The following C1QTNF7 variants were observed in gnomAD, a reference collection of about 807,000 sequenced individuals.
C1QTNF7 encodes the protein complement C1q tumor necrosis factor-related protein 7.
A neutral mutation model predicts 19.6 loss-of-function variants in C1QTNF7; 15 were observed. That is an observed-to-expected ratio of 0.76 (90% CI 0.51 to 1.18). C1QTNF7 has a LOEUF of 1.18. Among genes scored for constraint, C1QTNF7 ranks in the 50% most tolerant of loss-of-function variants. The pLI is 0.00. For missense variants in C1QTNF7, 324 were observed against 359.7 expected (o/e 0.90, Z 0.80); for synonymous variants, 142 against 137.5 (o/e 1.03, Z -0.23).
intron 1 of C1QTNF7, among the ~76,000 whole-genome samples, chr4:15,417,917 C>T (rs957632144): frequency 2.0e-5 from 3 of 152,076 alleles, no homozygotes; most frequent in African/African-American, 7.2e-5. Flanking sequence ...CTCTCAAGAA[C>T]TCAGTCACTA....
At chr4:15,343,585 C>A (rs935715768) in intron 1 of C1QTNF7, among the ~76,000 whole-genome samples, 5 of 152,066 alleles carry the variant, frequency 3.3e-5, no homozygotes, top group Admixed American at 2.6e-4. Context: ...AGGGACAGTC[C>A]AGAAGAAAAT....
intron 1 of C1QTNF7, among the ~76,000 whole-genome samples, chr4:15,353,380 A>G (rs1256812327): frequency 6.6e-6 from 1 of 152,160 alleles, no homozygotes; most frequent in Non-Finnish European, 1.5e-5. Flanking sequence ...ATACCCATAA[A>G]AGGGAGGATT....
At chr4:15,368,140 C>T (rs1490933741) in intron 1 of C1QTNF7, among the ~76,000 whole-genome samples, 5 of 152,074 alleles carry the variant, frequency 3.3e-5, no homozygotes, top group African/African-American at 7.2e-5. Context: ...ATTTTCTAGA[C>T]TTTTACAAGT....
intron 1 of C1QTNF7, among the ~76,000 whole-genome samples, chr4:15,357,709 T>C (rs1717194932): frequency 6.6e-6 from 1 of 152,226 alleles, no homozygotes; most frequent in Non-Finnish European, 1.5e-5. Context: ...ATTCTTCCTA[T>C]CCATGAGCAT....
intron 1 of C1QTNF7, among the ~76,000 whole-genome samples, chr4:15,407,336 A>G (rs1168113858): frequency 2.6e-5 from 4 of 152,192 alleles, no homozygotes; most frequent in African/African-American, 9.7e-5. Flanking sequence ...CAAAGTAGTT[A>G]TTATTCTCTC....
intron 1 of C1QTNF7, among the ~76,000 whole-genome samples, chr4:15,401,766 A>C (rs1374024377): frequency 1.3e-5 from 2 of 152,228 alleles, no homozygotes; most frequent in Non-Finnish European, 2.9e-5. Context: ...AAATCAATGA[A>C]ATAAAACAAT....
chr4:15,390,052 G>A (rs1560352223), intron 1 of C1QTNF7, among the ~76,000 whole-genome samples: 1 of 152,138 alleles, frequency 6.6e-6, no homozygotes, highest in Non-Finnish European at 1.5e-5. Flanking sequence ...TAATTTCAGG[G>A]AAGGGAGGAA....
At chr4:15,365,859 C>T (rs751931744) in intron 1 of C1QTNF7, among the ~76,000 whole-genome samples, 5 of 152,114 alleles carry the variant, frequency 3.3e-5, no homozygotes, top group Non-Finnish European at 7.4e-5. Context: ...TCACTGTTGC[C>T]AGAGGTGTCA....
chr4:15,412,740 C>A (rs1021187909), intron 1 of C1QTNF7, among the ~76,000 whole-genome samples: 1 of 152,194 alleles, frequency 6.6e-6, no homozygotes, highest in Non-Finnish European at 1.5e-5. Flanking sequence ...AAGTAAATTA[C>A]ACTAAAAGAC....
At chr4:15,387,186 C>T (rs1297841060) in intron 1 of C1QTNF7, among the ~76,000 whole-genome samples, 2 of 152,054 alleles carry the variant, frequency 1.3e-5, no homozygotes, top group African/African-American at 2.4e-5. Flanking sequence ...CCTGAGCATC[C>T]GAAAGAATTT....
intron 1 of C1QTNF7, among the ~76,000 whole-genome samples, chr4:15,367,386 C>T (rs1717564233): frequency 6.6e-6 from 1 of 152,192 alleles, no homozygotes; most frequent in Admixed American, 6.5e-5. Context: ...CTTGGGACTT[C>T]CACTACATTT....
At position 15,393,110 on chromosome 4, in the gene C1QTNF7, A is replaced by G. The variant is rs952424300; in HGVS notation, c.14-42626A>G. Among the ~76,000 whole-genome samples the G allele has an allele frequency of 1.4e-4, 22 of 152,152 alleles. No homozygotes were observed. The East Asian group carries it at 3.9e-3, about 27-fold the overall frequency. ...TATGGTAGTGAATAAATCTCATGAG[A>G]TCTGATGGTTTTATAAGGGGAAATC... On this transcript the variant is annotated intron_variant, in intron 1 of 2. Transcript: ENST00000295297.
In C1QTNF7 at chr4:15,443,836, G is replaced by T. The variant is rs185320242; in HGVS notation, c.*1037G>T. The T allele has an allele frequency of 6.6e-6, 1 of 152,284 alleles. No individual in the cohort carries two copies. Among genetic ancestry groups the T allele is most frequent in the Non-Finnish European group, 1.5e-5 (1 of 68,036 alleles). The allele number at this position is 152,284 out of a possible 1,614,324, so 9.4% of individuals were successfully genotyped here. ...AAATATGGGCACCACTTTACATTGT[G>T]GTAAGACATTGCTTCTCATGGATCT... On this transcript the variant is annotated 3_prime_UTR_variant, in exon 3 of 3. Coordinates refer to ENST00000444304, the MANE Select transcript of C1QTNF7 (RefSeq NM_031911.5).
At position 15,379,956 on chromosome 4, in the gene C1QTNF7, G is replaced by A. The variant is rs377037613; in HGVS notation, c.13+39749G>A. ...TCTTCCCCTAACCCAGGCCGATTAC[G>A]TTGGTTGAAGTGATGTCCAGATTGT... On this transcript the variant is annotated intron_variant, in intron 1 of 2. Transcript: ENST00000295297. Among the ~76,000 whole-genome samples the A allele has an allele frequency of 1.7e-3, 264 of 152,324 alleles. 1 individual carries two copies. Among genetic ancestry groups the A allele is most frequent in the African/African-American group, 6.2e-3 (259 of 41,572 alleles).
At chr4:15,362,921 T>C (rs191719811) in intron 1 of C1QTNF7, among the ~76,000 whole-genome samples, 192 of 152,296 alleles carry the variant, frequency 1.3e-3, no homozygotes, top group African/African-American at 4.3e-3. Flanking sequence ...TCATCATCAT[T>C]ATCATTATGA....
At chr4:15,423,517 G>A (rs1043041598), upstream of C1QTNF7, among the ~76,000 whole-genome samples, 1 of 152,190 alleles carries the variant, frequency 6.6e-6, no homozygotes, top group South Asian at 2.1e-4. Context: ...GTTGAAGTCC[G>A]CTTGAAAAGC....
chr4:15,353,328 C>CTAT (rs1467652779), intron 1 of C1QTNF7, among the ~76,000 whole-genome samples: 7 of 152,096 alleles, frequency 4.6e-5, no homozygotes, highest in Admixed American at 3.3e-4. Flanking sequence ...TTGGGTAAGA[C>CTAT]CATAACAGAG....
chr4:15,377,619 C>A (rs1717987799), intron 1 of C1QTNF7, among the ~76,000 whole-genome samples: 1 of 152,124 alleles, frequency 6.6e-6, no homozygotes, highest in Admixed American at 6.5e-5. Flanking sequence ...TATAAGCCAA[C>A]AGGGGATGCC....
chr4:15,416,112 A>G (rs1290655540), intron 1 of C1QTNF7, among the ~76,000 whole-genome samples: 3 of 152,236 alleles, frequency 2.0e-5, no homozygotes, highest in South Asian at 2.1e-4. Flanking sequence ...TATATTTGCC[A>G]TATAAATTTT....
Sources: allele counts gnomAD v4.1 joint callset (sites outside exome capture counted in the v4.1 genomes callset), GRCh38; gene constraint gnomAD v4.1.1; transcripts MANE v1.5; gene names NCBI Gene and HGNC (gene_info 2026-07-23, HGNC 2026-07-21).